OR7E24: variants seen among roughly 807,000 people sequenced by gnomAD.
OR7E24 encodes olfactory receptor family 7 subfamily E member 24.
For missense variants in OR7E24, 385 were observed against 410.3 expected (o/e 0.94, Z 0.53); for synonymous variants, 130 against 157.5 (o/e 0.83, Z 1.31).
chr19:9,241,868 G>A, the OR7E24 span, among the ~76,000 whole-genome samples: 2 of 152,160 alleles, frequency 1.3e-5, no homozygotes, highest in Non-Finnish European at 2.9e-5. Context: ...AAACACTTGT[G>A]ATTTGGCTTT....
At chr19:9,222,662 C>T in the OR7E24 span, among the ~76,000 whole-genome samples, 788 of 152,222 alleles carry the variant, frequency 5.2e-3, 4 homozygotes, top group Middle Eastern at 0.017. Flanking sequence ...TATCCTCCAA[C>T]TTTACTGAGT....
chr19:9,211,731 C>CTACTCCAGAGGCTGAGGCAGGAGAATT, the OR7E24 span: 1 of 146,670 alleles, frequency 6.8e-6, no homozygotes, highest in African/African-American at 2.5e-5. Flanking sequence ...GTAATCCCAG[C>CTACTCCAGAGGCTGAGGCAGGAGAATT]GCCACTGTGC....
chr19:9,230,193 C>T, the OR7E24 span, among the ~76,000 whole-genome samples: 3 of 151,894 alleles, frequency 2.0e-5, no homozygotes, highest in Non-Finnish European at 2.9e-5. Context: ...TACAGGCAGG[C>T]GCCACTACGC....
At chr19:9,228,072 T>C in the OR7E24 span, among the ~76,000 whole-genome samples, 1 of 152,218 alleles carries the variant, frequency 6.6e-6, no homozygotes, top group African/African-American at 2.4e-5. Flanking sequence ...TTTCTGTCTT[T>C]AGGTCTGTGA....
chr19:9,239,389 G>A, the OR7E24 span, among the ~76,000 whole-genome samples: 1 of 152,066 alleles, frequency 6.6e-6, no homozygotes, highest in Admixed American at 6.6e-5. Flanking sequence ...AGCCAGGATG[G>A]TCTTGATCTC....
the OR7E24 span, among the ~76,000 whole-genome samples, chr19:9,237,580 G>T: frequency 6.6e-6 from 1 of 152,118 alleles, no homozygotes; most frequent in South Asian, 2.1e-4. Context: ...CTCCCAAAGT[G>T]CTGGGATTAC....
At chr19:9,216,315 A>G in the OR7E24 span, among the ~76,000 whole-genome samples, 9 of 152,128 alleles carry the variant, frequency 5.9e-5, no homozygotes, top group Non-Finnish European at 1.0e-4. Context: ...GACCTTCTCT[A>G]TAGGCACTGA....
upstream of OR7E24, among the ~76,000 whole-genome samples, chr19:9,243,540 C>G (rs139869439): frequency 2.0e-5 from 3 of 152,134 alleles, no homozygotes; most frequent in Non-Finnish European, 4.4e-5. Context: ...ATCCTGGCCT[C>G]AAACCAGGAT....
chr19:9,206,940 G>A, the OR7E24 span: 2 of 152,144 alleles, frequency 1.3e-5, no homozygotes, highest in African/African-American at 4.8e-5. Context: ...TGATTTACTT[G>A]AACCTGTGTG....
the OR7E24 span, among the ~76,000 whole-genome samples, chr19:9,217,604 T>G: frequency 1.3e-5 from 2 of 152,184 alleles, no homozygotes; most frequent in African/African-American, 4.8e-5. Context: ...AGTGGTGCTA[T>G]CTCTGTTCAC....
chr19:9,237,581 C>CT, the OR7E24 span, among the ~76,000 whole-genome samples: 1 of 152,120 alleles, frequency 6.6e-6, no homozygotes, highest in African/African-American at 2.4e-5. Context: ...TCCCAAAGTG[C>CT]TGGGATTACA....
chr19:9,237,372 A>G, the OR7E24 span, among the ~76,000 whole-genome samples: 2 of 151,856 alleles, frequency 1.3e-5, no homozygotes, highest in Non-Finnish European at 1.5e-5. Context: ...GTGCAGTGGC[A>G]CGATCTCGGC....
At chr19:9,228,930 A>G in the OR7E24 span, among the ~76,000 whole-genome samples, 3 of 152,230 alleles carry the variant, frequency 2.0e-5, no homozygotes, top group African/African-American at 7.2e-5. Context: ...ATCACACATT[A>G]AAATATTAAA....
the OR7E24 span, among the ~76,000 whole-genome samples, chr19:9,215,541 G>C: frequency 6.6e-6 from 1 of 151,972 alleles, no homozygotes; most frequent in Admixed American, 6.6e-5. Flanking sequence ...TTAAGTTGTG[G>C]ATTTTCAACC....
chr19:9,235,371 C>T, the OR7E24 span: 4 of 1,499,400 alleles, frequency 2.7e-6, no homozygotes, highest in Non-Finnish European at 3.7e-6. Flanking sequence ...TCATCTGCAC[C>T]ACAGTCCCCA....
chr19:9,221,917 C>G, the OR7E24 span, among the ~76,000 whole-genome samples: 2 of 152,068 alleles, frequency 1.3e-5, no homozygotes, highest in African/African-American at 4.8e-5. Flanking sequence ...ATGAGGTTTT[C>G]CTCTTTTGTT....
chr19:9,240,338 A>T, the OR7E24 span, among the ~76,000 whole-genome samples: 1 of 152,126 alleles, frequency 6.6e-6, no homozygotes, highest in Non-Finnish European at 1.5e-5. Context: ...ATCATTGCCC[A>T]GTGTAATTTC....
chr19:9,238,360 T>C, the OR7E24 span, among the ~76,000 whole-genome samples: 2 of 152,196 alleles, frequency 1.3e-5, no homozygotes, highest in Non-Finnish European at 2.9e-5. Context: ...TAATGATTCA[T>C]TGAGCATCTT....
At chr19:9,215,641 G>A in the OR7E24 span, among the ~76,000 whole-genome samples, 2,018 of 152,100 alleles carry the variant, frequency 0.013, 55 homozygotes, top group African/African-American at 0.047. Flanking sequence ...TTAAATTATT[G>A]ATATTACTTT....
Sources: gnomAD v4.1 joint callset for allele counts (sites outside exome capture counted in the v4.1 genomes callset) on GRCh38, gnomAD v4.1.1 for gene constraint, MANE v1.5 for transcripts, NCBI Gene and HGNC (gene_info 2026-07-23, HGNC 2026-07-21) for gene names.